LRTM1: variants seen among roughly 807,000 people sequenced by gnomAD.
LRTM1 encodes the protein leucine-rich repeat and transmembrane domain-containing protein 1.
Under a neutral mutation model 32.4 loss-of-function variants are expected in LRTM1, and 38 were observed. The ratio of observed to expected loss-of-function variants is 1.17; its 90% CI spans 0.91 to 1.54. The LOEUF (loss-of-function observed/expected upper bound fraction) is 1.54. Ranked by LOEUF, LRTM1 falls within the 40% of genes most tolerant of loss-of-function variation. LRTM1 has a pLI of 0.00. For missense variants in LRTM1, 466 were observed against 415.4 expected, an observed-to-expected ratio of 1.12 and a Z score of -1.06; for synonymous variants, 186 against 169.9, an observed-to-expected ratio of 1.09 and a Z score of -0.74.
chr3:54,921,054 G>A (rs1166914421), intron 2 of LRTM1, among the ~76,000 whole-genome samples: 1 of 152,114 alleles, frequency 6.6e-6, no homozygotes, highest in African/African-American at 2.4e-5. Flanking sequence ...CATTTCATGG[G>A]CCATGACCCC....
chr3:54,928,862 C>G (rs371110986), upstream of LRTM1, among the ~76,000 whole-genome samples: 2 of 152,146 alleles, frequency 1.3e-5, no homozygotes, highest in Non-Finnish European at 2.9e-5. Context: ...GAGCATCAGG[C>G]GTCAGTCGAC....
chr3:54,937,764 T>G (rs1247133050), intron 1 of LRTM1, among the ~76,000 whole-genome samples: 1 of 151,550 alleles, frequency 6.6e-6, no homozygotes, highest in Non-Finnish European at 1.5e-5. Flanking sequence ...GCATGGCATG[T>G]GTTACGCTGA....
chr3:54,935,686 C>T (rs1315560531), intron 1 of LRTM1, among the ~76,000 whole-genome samples: 2 of 152,118 alleles, frequency 1.3e-5, no homozygotes, highest in African/African-American at 4.8e-5. Context: ...TGCTTTTGTA[C>T]TTTTACTATA....
chr3:54,927,716 C>T (rs1575382549), intron 1 of LRTM1, among the ~76,000 whole-genome samples, 189 bp downstream of exon 1: 1 of 152,252 alleles, frequency 6.6e-6, no homozygotes, highest in African/African-American at 2.4e-5. Context: ...GCATACATTT[C>T]TCTCCACCCT....
chr3:54,938,283 A>G (rs1422653225), intron 1 of LRTM1, among the ~76,000 whole-genome samples: 1 of 152,194 alleles, frequency 6.6e-6, no homozygotes, highest in Non-Finnish European at 1.5e-5. Context: ...GCAGATGCAA[A>G]CACTGCAGCA....
intron 1 of LRTM1, among the ~76,000 whole-genome samples, chr3:54,962,916 T>C (rs955638283): frequency 1.8e-4 from 27 of 152,342 alleles, no homozygotes; most frequent in African/African-American, 6.3e-4. Flanking sequence ...TATTTCTAAA[T>C]GAATACGATA....
Position 54,925,158 on chromosome 3 carries a change from G to C in LRTM1, c.65C>G (p.Pro22Arg). The C allele has an allele frequency of 1.2e-6, 2 of 1,614,028 alleles. No individual in the cohort carries two copies. The highest frequency in any genetic ancestry group is 1.6e-4 in the Middle Eastern group (1 of 6,062). ...IVLLQVVCSC[P>R]DKCYCQSSTN... ...AGATGACTGACAGTAACACTTGTCC[G>C]GGCAGCTGCATACCACCTGGAGCAG... Residue 22 changes from proline to arginine, a missense_variant, in exon 2 of 3, where the codon CCG (proline) becomes CGG (arginine). Coordinates refer to ENST00000273286, the MANE Select transcript of LRTM1 (RefSeq NM_020678.4).
chr3:54,934,546 A>G (rs189741638), intron 1 of LRTM1, among the ~76,000 whole-genome samples: 1 of 152,194 alleles, frequency 6.6e-6, no homozygotes, highest in South Asian at 2.1e-4. Context: ...TTAGTGGAGT[A>G]GTGGGTTTGA....
intron 1 of LRTM1, among the ~76,000 whole-genome samples, chr3:54,934,938 A>G (rs748190758): frequency 6.6e-5 from 10 of 152,030 alleles, no homozygotes; most frequent in South Asian, 4.2e-4. Context: ...GGGTTTCACA[A>G]TGTTGGCCAG....
At chr3:54,948,900 A>C (rs558253244) in intron 1 of LRTM1, among the ~76,000 whole-genome samples, 227 of 152,318 alleles carry the variant, frequency 1.5e-3, no homozygotes, top group Non-Finnish European at 1.9e-3. Flanking sequence ...GAAGTTGATT[A>C]TTTGATTATT....
chr3:54,934,969 C>G (rs550303971), intron 1 of LRTM1, among the ~76,000 whole-genome samples: 2 of 152,320 alleles, frequency 1.3e-5, no homozygotes, highest in African/African-American at 4.8e-5. Flanking sequence ...AACTCCTGAC[C>G]TCAAGTGATC....
intron 1 of LRTM1, among the ~76,000 whole-genome samples, chr3:54,945,313 G>A (rs1196791544): frequency 6.6e-6 from 1 of 152,204 alleles, no homozygotes; most frequent in East Asian, 1.9e-4. Flanking sequence ...GGTTAGAATT[G>A]CCAGGGGATC....
chr3:54,935,382 A>G (rs1446711865), intron 1 of LRTM1, among the ~76,000 whole-genome samples: 1 of 152,216 alleles, frequency 6.6e-6, no homozygotes, highest in Non-Finnish European at 1.5e-5. Context: ...ATTTCAGATA[A>G]GTATGATTAA....
intron 1 of LRTM1, among the ~76,000 whole-genome samples, chr3:54,941,571 A>C (rs1315030071): frequency 6.6e-6 from 1 of 152,186 alleles, no homozygotes; most frequent in Admixed American, 6.5e-5. Flanking sequence ...TGGGTTTTTC[A>C]ATATCTATCA....
At chr3:54,944,076 C>T (rs983877810) in intron 1 of LRTM1, among the ~76,000 whole-genome samples, 4 of 152,270 alleles carry the variant, frequency 2.6e-5, no homozygotes, top group Non-Finnish European at 5.9e-5. Context: ...TTTCTTTTGA[C>T]TTCCTGTGTT....
chr3:54,929,140 G>A (rs1161640496), upstream of LRTM1, among the ~76,000 whole-genome samples: 1 of 152,094 alleles, frequency 6.6e-6, no homozygotes, highest in Non-Finnish European at 1.5e-5. Flanking sequence ...TCGATATTTG[G>A]CTCCACCATC....
intron 2 of LRTM1, among the ~76,000 whole-genome samples, chr3:54,922,724 A>G (rs1700889250): frequency 6.6e-6 from 1 of 151,782 alleles, no homozygotes; most frequent in African/African-American, 2.4e-5. Context: ...ACAACCTCCA[A>G]CTCAACGACT....
At chr3:54,947,519 G>A (rs1701645251) in intron 1 of LRTM1, among the ~76,000 whole-genome samples, 1 of 152,156 alleles carries the variant, frequency 6.6e-6, no homozygotes, top group Admixed American at 6.5e-5. Flanking sequence ...AACCTATACT[G>A]TTGAGTCTGT....
chr3:54,946,346 G>A (rs1447475672), intron 1 of LRTM1, among the ~76,000 whole-genome samples: 1 of 152,138 alleles, frequency 6.6e-6, no homozygotes, highest in Non-Finnish European at 1.5e-5. Flanking sequence ...GTTATTGGTT[G>A]CATAATATCT....
Sources: gnomAD v4.1 joint callset for allele counts (sites outside exome capture counted in the v4.1 genomes callset) on GRCh38, gnomAD v4.1.1 for gene constraint, MANE v1.5 for transcripts, NCBI Gene and HGNC (gene_info 2026-07-23, HGNC 2026-07-21) for gene names.